STMND1: variants seen among roughly 807,000 people sequenced by gnomAD.
The protein encoded by STMND1 is stathmin domain containing 1, also known as stathmin domain-containing protein 1.
In STMND1, 17 loss-of-function variants were observed where a neutral mutation model predicts 23.0. The observed-to-expected ratio is 0.74, with a 90% CI of 0.51 to 1.11. The LOEUF (loss-of-function observed/expected upper bound fraction) is 1.11. Among genes scored for constraint, STMND1 ranks in the 50% least tolerant of loss-of-function variants. The pLI is 0.00. For synonymous variants in STMND1, 114 were observed against 119.9 expected (o/e 0.95, Z 0.32); for missense variants, 305 against 329.1 (o/e 0.93, Z 0.57).
At chr6:17,114,548 G>A (rs1256671031) in intron 1 of STMND1, among the ~76,000 whole-genome samples, 1 of 152,232 alleles carries the variant, frequency 6.6e-6, no homozygotes, top group Admixed American at 6.5e-5. Flanking sequence ...TTACAGGCGT[G>A]AGCCACTGCG....
At chr6:17,126,006 CCTCT>C (rs1356819156) in intron 3 of STMND1, among the ~76,000 whole-genome samples, 1 of 125,676 alleles carries the variant, frequency 8.0e-6, no homozygotes, top group African/African-American at 3.2e-5. Flanking sequence ...ACTGGTAACA[CCTCT>C]CTAAGCATAA....
chr6:17,103,991 A>C (rs968754704), intron 1 of STMND1, among the ~76,000 whole-genome samples: 1 of 152,080 alleles, frequency 6.6e-6, no homozygotes, highest in Non-Finnish European at 1.5e-5. Flanking sequence ...AAAACCCTTT[A>C]GTTTATAATC....
intron 1 of STMND1, among the ~76,000 whole-genome samples, chr6:17,109,295 A>G (rs961127471): frequency 6.6e-6 from 1 of 152,174 alleles, no homozygotes. Context: ...AACACAATGA[A>G]CTGATATTGG....
chr6:17,106,624 T>G (rs1284427177), intron 1 of STMND1, among the ~76,000 whole-genome samples: 1 of 152,240 alleles, frequency 6.6e-6, no homozygotes, highest in African/African-American at 2.4e-5. Context: ...TGATTATTAT[T>G]AATTAAACAC....
chr6:17,129,322 G>A, intron 4 of STMND1, 79 bp downstream of exon 4: 1 of 1,397,960 alleles, frequency 7.2e-7, no homozygotes, highest in East Asian at 2.5e-5. Flanking sequence ...TTTCCTATCA[G>A]CAGTTTTAAG....
intron 3 of STMND1, among the ~76,000 whole-genome samples, chr6:17,122,161 G>A (rs553210468): frequency 2.0e-5 from 3 of 151,966 alleles, no homozygotes; most frequent in Non-Finnish European, 4.4e-5. Context: ...GCATCTGACC[G>A]AGTTCTAAAT....
chr6:17,130,539 A>C (rs1288894518), intron 4 of STMND1, 55 bp from the exon 5 acceptor site: 1 of 1,346,858 alleles, frequency 7.4e-7, no homozygotes, highest in Admixed American at 2.7e-5. Context: ...AACATTAATC[A>C]CAACTTGGAG....
At position 17,130,856 on chromosome 6, in the gene STMND1, A is replaced by G; in HGVS notation, c.806A>G (p.Asn269Ser). The G allele has an allele frequency of 6.5e-7, 1 of 1,531,406 alleles. No individual in the cohort carries two copies. Among genetic ancestry groups the G allele is most frequent in the African/African-American group, 1.4e-5 (1 of 73,066 alleles). The allele number at this position is 1,531,406 out of a possible 1,614,324, so 94.9% of individuals were successfully genotyped here. Residue 269 changes from asparagine (N) to serine (S), a missense_variant, in exon 5 of 5, where the codon AAC becomes AGC. By Grantham distance (46) the Asn-to-Ser change is conservative (BLOSUM62 1). Transcript: ENST00000536551. The stretch of plus-strand genomic sequence containing the variant: ...GTCGTGGAGTCAGACATGTCCTACA[A>G]CCAAGCAGATGACATAGTCTACTAA... ...FGVVESDMSY[N>S]QADDIVY
chr6:17,105,355 T>C (rs1171598393), intron 1 of STMND1, among the ~76,000 whole-genome samples: 1 of 152,148 alleles, frequency 6.6e-6, no homozygotes, highest in African/African-American at 2.4e-5. Context: ...TATTATAAGA[T>C]AAAATCCTGG....
intron 3 of STMND1, among the ~76,000 whole-genome samples, chr6:17,121,017 C>T (rs1018934331): frequency 6.6e-6 from 1 of 152,138 alleles, no homozygotes; most frequent in South Asian, 2.1e-4. Flanking sequence ...GTAATTGAAT[C>T]ATGGAGGTGG....
intron 2 of STMND1, among the ~76,000 whole-genome samples, chr6:17,117,195 A>T (rs573064879): frequency 1.3e-5 from 2 of 151,756 alleles, no homozygotes; most frequent in African/African-American, 4.8e-5. Context: ...CCGCCTCCTG[A>T]GTAGCTGGGA....
intron 1 of STMND1, among the ~76,000 whole-genome samples, chr6:17,106,355 T>A (rs558098130): frequency 6.6e-6 from 1 of 152,174 alleles, no homozygotes. Flanking sequence ...ACAGGCACTG[T>A]TTTTTAATCT....
intron 1 of STMND1, among the ~76,000 whole-genome samples, chr6:17,105,018 A>G (rs1440900381): frequency 6.6e-6 from 1 of 151,888 alleles, no homozygotes; most frequent in Non-Finnish European, 1.5e-5. Flanking sequence ...TTTTTTTGTT[A>G]TTGTGCCTTA....
chr6:17,117,832 C>A (rs550646701), intron 2 of STMND1, among the ~76,000 whole-genome samples: 1 of 151,328 alleles, frequency 6.6e-6, no homozygotes, highest in Non-Finnish European at 1.5e-5. Context: ...AGGTGCCTGC[C>A]ACCACACTTG....
chr6:17,126,810 C>T (rs893124886), intron 3 of STMND1, among the ~76,000 whole-genome samples: 10 of 152,162 alleles, frequency 6.6e-5, no homozygotes, highest in African/African-American at 2.2e-4. Context: ...GCCAAAATGT[C>T]AATAAATGTT....
chr6:17,104,246 T>C (rs1463133206), intron 1 of STMND1, among the ~76,000 whole-genome samples: 3 of 152,228 alleles, frequency 2.0e-5, no homozygotes, highest in Non-Finnish European at 2.9e-5. Context: ...TTCTCCCATT[T>C]TTCAAAAATA....
At chr6:17,107,309 C>T (rs780919707) in intron 1 of STMND1, among the ~76,000 whole-genome samples, 8 of 152,062 alleles carry the variant, frequency 5.3e-5, no homozygotes, top group Non-Finnish European at 1.2e-4. Context: ...ACAAACAACA[C>T]CTGTCCGTAT....
chr6:17,116,155 C>T (rs1168070072), intron 2 of STMND1, among the ~76,000 whole-genome samples: 1 of 152,144 alleles, frequency 6.6e-6, no homozygotes, highest in Non-Finnish European at 1.5e-5. Context: ...ACCTGGTGAC[C>T]CAGAACAGTC....
Position 17,131,044 on chromosome 6 carries a change from A to T in STMND1, c.*163A>T. On this transcript the variant is annotated 3_prime_UTR_variant, in exon 5 of 5. Coordinates refer to ENST00000536551, the MANE Select transcript of STMND1 (RefSeq NM_001190766.2). Reference sequence around the variant, plus strand: ...GCACAGGCTGAAGGTTAGTTGAGTAAATTAAGTAGCTATGCTAGCTTTTAA... The same window carrying T: ...GCACAGGCTGAAGGTTAGTTGAGTATATTAAGTAGCTATGCTAGCTTTTAA... 1.7e-6 allele frequency: 1 copy of T among 604,932 alleles called. No individual in the cohort carries two copies. The highest frequency in any genetic ancestry group is 2.7e-6 in the Non-Finnish European group (1 of 372,274). The allele number at this position is 604,932 out of a possible 1,614,324, so 37.5% of individuals were successfully genotyped here.
Sources: gnomAD v4.1 joint callset for allele counts (sites outside exome capture counted in the v4.1 genomes callset) on GRCh38, gnomAD v4.1.1 for gene constraint, MANE v1.5 for transcripts, NCBI Gene and HGNC (gene_info 2026-07-23, HGNC 2026-07-21) for gene names.